Variants in AMDHD1 observed in about 807,000 individuals in gnomAD.
AMDHD1 encodes the protein probable imidazolonepropionase.
AMDHD1 carries 45 observed loss-of-function variants against 44.1 expected under a neutral mutation model. That is an observed-to-expected ratio of 1.02 (90% CI 0.80 to 1.31). The LOEUF (loss-of-function observed/expected upper bound fraction) is 1.31, where lower values mean the gene tolerates loss of function less well. AMDHD1 is among the 50% of genes most tolerant of loss of function. AMDHD1 has a pLI of 0.00. For missense variants in AMDHD1, 586 were observed against 552.1 expected (o/e 1.06, Z -0.61); for synonymous variants, 206 against 205.0 (o/e 1.00, Z -0.04).
intron 1 of AMDHD1, among the ~76,000 whole-genome samples, chr12:95,946,061 C>CTCTCTCTGTGTGTGTG (rs1403742643): frequency 8.2e-6 from 1 of 122,486 alleles, no homozygotes; most frequent in African/African-American, 2.7e-5. Flanking sequence ...CTCTTTCTCT[C>CTCTCTCTGTGTGTGTG]TGTGTGTGTG....
At chr12:95,950,856 A>G (rs2080522366) in intron 1 of AMDHD1, among the ~76,000 whole-genome samples, 1 of 138,484 alleles carries the variant, frequency 7.2e-6, no homozygotes, top group Non-Finnish European at 1.5e-5. Flanking sequence ...TCCAGCTAAA[A>G]TTTAGGGCTC....
At chr12:95,965,547 C>T in intron 6 of AMDHD1, 139 bp from the exon 7 acceptor site, 1 of 527,620 alleles carries the variant, frequency 1.9e-6, no homozygotes, top group Non-Finnish European at 3.4e-6. Context: ...AACTCTACCA[C>T]TAATCATTTA....
intron 2 of AMDHD1, among the ~76,000 whole-genome samples, chr12:95,953,837 T>C (rs2080536369): frequency 6.6e-6 from 1 of 152,174 alleles, no homozygotes; most frequent in Non-Finnish European, 1.5e-5. Flanking sequence ...GATCTCGGTC[T>C]CCCAAAGTGC....
rs994493395 is a variant in AMDHD1 at position 95,962,262 on chromosome 12, T to G, written c.814-93T>G. On this transcript the variant is annotated intron_variant, in intron 5 of 8. Transcript: ENST00000266736. ...CCTGGCTACAGAGCAAGACTCCGTC[T>G]CAAAAATAAAACAAACAAAGCAATT... The G allele has an allele frequency of 9.7e-6, 14 of 1,441,614 alleles. No homozygotes were observed. In the Admixed American group the frequency reaches 2.5e-4, roughly 25 times the overall value. The allele number at this position is 1,441,614 out of a possible 1,614,324, so 89.3% of individuals were successfully genotyped here.
In AMDHD1 at chr12:95,949,143, AAAAAAAAAAAAAAAAAG is replaced by A. The variant is rs1227469090; in HGVS notation, c.138-3557_138-3541del. ...AATTATCAATAAAAAAATAAATTAAAAAAAAAAAAAAAAAAAGAAAAAAAAAAAAAAAAAAGAGACTG... is the reference window on the plus strand; with the variant it reads ...AATTATCAATAAAAAAATAAATTAAAAAAAAAAAAAAAAAAAAAGAGACTG... On this transcript the variant is annotated intron_variant, in intron 1 of 8. Coordinates refer to ENST00000266736, the MANE Select transcript of AMDHD1 (RefSeq NM_152435.3). Among the ~76,000 whole-genome samples the A allele has an allele frequency of 2.8e-5, 4 of 143,752 alleles. 2 individuals are homozygous for A. Among genetic ancestry groups the A allele is most frequent in the African/African-American group, 5.1e-5 (2 of 39,064 alleles). 94.3% of individuals were successfully genotyped at this position (143,752 alleles called of 152,430 possible).
rs60076877 is a variant in AMDHD1, at chr12:95,964,928, C to CAAAAAAAAAAAAAAAAAAAAAAA, written c.939-757_939-735dup. ...AAAGGACCTACAGAGATGTTTGAGG[C>CAAAAAAAAAAAAAAAAAAAAAAA]AAAAAAAAAAAAAAAAAAAAAAAGA... On this transcript the variant is annotated intron_variant, in intron 6 of 8. Coordinates refer to ENST00000266736, the MANE Select transcript of AMDHD1 (RefSeq NM_152435.3). 1.7e-4 allele frequency among the ~76,000 whole-genome samples: 6 copies of CAAAAAAAAAAAAAAAAAAAAAAA among 35,830 alleles called. 3 individuals are homozygous for CAAAAAAAAAAAAAAAAAAAAAAA. The highest frequency in any genetic ancestry group is 5.4e-4 in the African/African-American group (4 of 7,358). 23.5% of individuals were successfully genotyped at this position (35,830 alleles called of 152,430 possible).
At chr12:95,963,621 C>T (rs928707551) in intron 6 of AMDHD1, among the ~76,000 whole-genome samples, 1 of 152,168 alleles carries the variant, frequency 6.6e-6, no homozygotes, top group Non-Finnish European at 1.5e-5. Context: ...AATAACGGTT[C>T]TTGGTATGAC....
In AMDHD1 at chr12:95,964,397, T is replaced by C. The variant is rs114062787; in HGVS notation, c.939-1289T>C. 6.5e-3 allele frequency among the ~76,000 whole-genome samples: 984 copies of C among 152,348 alleles called. 11 individuals are homozygous for C. The highest frequency in any genetic ancestry group is 0.023 in the African/African-American group (946 of 41,582). On this transcript the variant is annotated intron_variant, in intron 6 of 8. Coordinates refer to ENST00000266736, the MANE Select transcript of AMDHD1 (RefSeq NM_152435.3). ...AAGGGCTTGCTTTAATCATGTATTT[T>C]ATGTAAATTTGCATGTAATATTTAA...
At chr12:95,951,378 A>C (rs1449737552) in intron 1 of AMDHD1, among the ~76,000 whole-genome samples, 1 of 152,166 alleles carries the variant, frequency 6.6e-6, no homozygotes, top group Non-Finnish European at 1.5e-5. Context: ...ACTTAACATA[A>C]TGTCCTCCAG....
At chr12:95,957,960 C>A (rs142808930) in intron 4 of AMDHD1, among the ~76,000 whole-genome samples, 1 of 151,992 alleles carries the variant, frequency 6.6e-6, no homozygotes, top group Non-Finnish European at 1.5e-5. Context: ...GGCTGAGGCA[C>A]GAGAATCGCT....
chr12:95,952,277 C>T (rs1268204373), intron 1 of AMDHD1, among the ~76,000 whole-genome samples: 3 of 152,118 alleles, frequency 2.0e-5, no homozygotes, highest in African/African-American at 7.2e-5. Context: ...ATATGGATAG[C>T]CAGTTTCCCT....
intron 8 of AMDHD1, among the ~76,000 whole-genome samples, chr12:95,967,293 T>C (rs1222563100): frequency 6.6e-6 from 1 of 152,248 alleles, no homozygotes; most frequent in Non-Finnish European, 1.5e-5. Flanking sequence ...GTGGGAATTA[T>C]GGAAGCTACA....
intron 3 of AMDHD1, among the ~76,000 whole-genome samples, chr12:95,955,652 A>T (rs2080545944): frequency 6.6e-6 from 1 of 152,226 alleles, no homozygotes; most frequent in Non-Finnish European, 1.5e-5. Flanking sequence ...ACGGAGAAAG[A>T]GATTTACAGT....
At chr12:95,947,999 C>T (rs2080506785) in intron 1 of AMDHD1, among the ~76,000 whole-genome samples, 1 of 128,044 alleles carries the variant, frequency 7.8e-6, no homozygotes, top group African/African-American at 3.0e-5. Context: ...GGGGGGTCAG[C>T]CCCCCGCCCG....
At chr12:95,962,693 C>G (rs945306160) in intron 6 of AMDHD1, among the ~76,000 whole-genome samples, 2 of 152,258 alleles carry the variant, frequency 1.3e-5, no homozygotes, top group Middle Eastern at 6.8e-3. Flanking sequence ...CTTTGAGTGG[C>G]AGGATTATTG....
At chr12:95,956,042 A>T (rs2136764231) in intron 3 of AMDHD1, among the ~76,000 whole-genome samples, 1 of 152,344 alleles carries the variant, frequency 6.6e-6, no homozygotes, top group East Asian at 1.9e-4. Flanking sequence ...CTTAGCAAGT[A>T]CACATTGCGG....
intron 3 of AMDHD1, 63 bp from the exon 4 acceptor site, chr12:95,956,622 A>C: frequency 1.3e-6 from 2 of 1,583,616 alleles, no homozygotes; most frequent in South Asian, 2.3e-5. Flanking sequence ...CTGGAAGTAG[A>C]TTCTTCAGAC....
rs751357916 is a variant in AMDHD1 at position 95,967,741 on chromosome 12, T to TG, written c.1194-15_1194-14insG. ...ACATTGAAGTAATATTTGTTGTTTT[T>TG]TTTTTTTTTTCTAGATGGGAGCATT... On this transcript the variant is annotated splice_polypyrimidine_tract_variant and intron_variant, in intron 8 of 8. Transcript: ENST00000266736. 7 of 1,538,648 alleles carry TG rather than the reference T, an allele frequency of 4.5e-6. No homozygotes were observed. The African/African-American group carries it at 5.7e-5, about 12-fold the overall frequency.
intron 6 of AMDHD1, among the ~76,000 whole-genome samples, chr12:95,964,871 T>A (rs916207229): frequency 8.0e-6 from 1 of 125,122 alleles, no homozygotes; most frequent in East Asian, 2.7e-4. Flanking sequence ...ATAAACATTT[T>A]ACACACTAAA....
Sources: allele counts gnomAD v4.1 joint callset (sites outside exome capture counted in the v4.1 genomes callset), GRCh38; gene constraint gnomAD v4.1.1; transcripts MANE v1.5; gene names NCBI Gene and HGNC (gene_info 2026-07-23, HGNC 2026-07-21).